CTF1: variants seen among roughly 807,000 people sequenced by gnomAD.
The protein encoded by CTF1 is cardiotrophin 1.
In CTF1, 9 loss-of-function variants were observed where a neutral mutation model predicts 10.9. The ratio of observed to expected loss-of-function variants is 0.83; its 90% confidence interval spans 0.50 to 1.44. The LOEUF is 1.44. Ranked by LOEUF, CTF1 falls within the 40% of genes most tolerant of loss-of-function variation. The pLI is 0.00. For missense variants in CTF1, 259 were observed against 275.3 expected, an observed-to-expected ratio of 0.94 and a Z score of 0.42; for synonymous variants, 133 against 138.8, an observed-to-expected ratio of 0.96 and a Z score of 0.29.
intron 2 of CTF1, among the ~76,000 whole-genome samples, chr16:30,899,771 AGAG>A (rs2055386245): frequency 6.6e-6 from 1 of 152,058 alleles, no homozygotes; most frequent in African/African-American, 2.4e-5. Flanking sequence ...TTTGTTTTTG[AGAG>A]GAGGCCTCGC....
chr16:30,897,459 A>G (rs563308682), intron 1 of CTF1, among the ~76,000 whole-genome samples: 1 of 152,312 alleles, frequency 6.6e-6, no homozygotes, highest in Non-Finnish European at 1.5e-5. Flanking sequence ...AGGCAGATAC[A>G]CACAGAAAAG....
intron 2 of CTF1, 89 bp from the exon 3 acceptor site, chr16:30,901,989 C>T: frequency 2.6e-6 from 3 of 1,163,716 alleles, no homozygotes; most frequent in Admixed American, 3.9e-5. Flanking sequence ...AGGAAACTGA[C>T]ACCCCCAGAG....
rs8061920 is a variant in CTF1, at chr16:30,903,416, C to G, written c.*877C>G. ...TTGATGTCCTCCTTTCCTTCAGCCC[C>G]TCTGCCCTGTCCCTGCACACCTCCA... On this transcript the variant is annotated 3_prime_UTR_variant, in exon 3 of 3. Transcript: ENST00000279804. 0.09 allele frequency: 13,866 copies of G among 154,166 alleles called. 1,891 individuals carry two copies. The highest frequency in any genetic ancestry group is 0.3 in the African/African-American group (12,454 of 41,538). The allele number at this position is 154,166 out of a possible 1,614,324, so 9.5% of individuals were successfully genotyped here.
At chr16:30,896,257 G>A (rs1192244410), upstream of CTF1, among the ~76,000 whole-genome samples, 5 of 152,188 alleles carry the variant, frequency 3.3e-5, no homozygotes, top group Admixed American at 1.3e-4. Context: ...ACTAGAGAGA[G>A]GGCCTGCGCA....
rs746481180 is a variant in CTF1 at position 30,899,417 on chromosome 16, G to A, written c.28G>A (p.Asp10Asn). The change falls in exon 2 of 3, where the codon GAC becomes AAC. Residue 10 changes from aspartate (D) to asparagine (N), a missense_variant and splice_region_variant. By Grantham distance (23) the Asp-to-Asn change is conservative. Transcript: ENST00000279804. Reference protein sequence around the residue: MSRREGSLEDPQTDSSVSLL... With the variant: MSRREGSLENPQTDSSVSLL... ...ATTCCTCCCCCCTTTCCCACCAGAA[G>A]ACCCCCAGACTGATTCCTCAGTCTC... 13 of 1,605,660 alleles carry A rather than the reference G, an allele frequency of 8.1e-6. No homozygotes were observed. Among genetic ancestry groups the A allele is most frequent in the Non-Finnish European group, 8.5e-6 (10 of 1,172,340 alleles).
chr16:30,902,815 G>T lies in CTF1; in HGVS notation c.*276G>T. Reference sequence around the variant, plus strand: ...AGCTTCCCCAGCAGCTGGGACTACAGGCACGCGCCACCACAGCCGGCTAAT... The same window carrying T: ...AGCTTCCCCAGCAGCTGGGACTACATGCACGCGCCACCACAGCCGGCTAAT... On this transcript the variant is annotated 3_prime_UTR_variant, in exon 3 of 3. Transcript: ENST00000279804. 1 of 321,706 alleles carries T rather than the reference G, an allele frequency of 3.1e-6. No individual in the cohort carries two copies. Among genetic ancestry groups the T allele is most frequent in the Non-Finnish European group, 5.6e-6 (1 of 178,084 alleles). The allele number at this position is 321,706 out of a possible 1,614,324, so 19.9% of individuals were successfully genotyped here. A position where few individuals can be genotyped will look rare whatever the true frequency, so the allele number is the denominator to read the frequency against.
chr16:30,896,560 C>T, upstream of CTF1: 1 of 1,201,564 alleles, frequency 8.3e-7, no homozygotes, highest in Non-Finnish European at 1.1e-6. Flanking sequence ...ATTGGCTGCG[C>T]CCGGGCCACG....
chr16:30,898,679 A>G (rs939735904), intron 1 of CTF1, among the ~76,000 whole-genome samples: 1 of 152,062 alleles, frequency 6.6e-6, no homozygotes, highest in African/African-American at 2.4e-5. Context: ...TTATTTAGAG[A>G]TAGGGTCTTA....
At position 30,902,285 on chromosome 16, in the gene CTF1, C is replaced by G; in HGVS notation, c.352C>G (p.Leu118Val). The G allele has an allele frequency of 9.8e-7, 1 of 1,022,082 alleles. No individual in the cohort carries two copies. The highest frequency in any genetic ancestry group is 1.7e-5 in the African/African-American group (1 of 57,578). The allele number at this position is 1,022,082 out of a possible 1,614,324, so 63.3% of individuals were successfully genotyped here. A position where few individuals can be genotyped will look rare whatever the true frequency, so the allele number is the denominator to read the frequency against. The change falls in exon 3 of 3, where the codon CTG (leucine) becomes GTG (valine). Residue 118 changes from leucine (L) to valine (V), a missense_variant. By Grantham distance (32) the Leu-to-Val change is conservative. Coordinates refer to ENST00000279804, the MANE Select transcript of CTF1 (RefSeq NM_001330.5). ...QAELNPRAPR[L>V]LRRLEDAARQ... ...CGAGCTGAACCCGCGCGCGCCGCGCCTGCTGCGCCGCCTGGAGGACGCGGC... is the reference window on the plus strand; with the variant it reads ...CGAGCTGAACCCGCGCGCGCCGCGCGTGCTGCGCCGCCTGGAGGACGCGGC...
intron 2 of CTF1, 24 bp downstream of exon 2, chr16:30,899,557 T>TTGGGGGGGGGGGGG: frequency 3.5e-5 from 19 of 546,044 alleles, no homozygotes; most frequent in Non-Finnish European, 4.5e-5. Context: ...GGGGTGGGGG[T>TTGGGGGGGGGGGGG]GCCGGGGGCC....
At chr16:30,896,555 C>A, upstream of CTF1, 1 of 1,184,720 alleles carries the variant, frequency 8.4e-7, no homozygotes, top group Non-Finnish European at 1.1e-6. Context: ...CTCTGATTGG[C>A]TGCGCCCGGG....
Position 30,902,071 on chromosome 16 carries a change from T to A in CTF1, c.145-7T>A, listed in dbSNP as rs781004946. On this transcript the variant is annotated splice_polypyrimidine_tract_variant and splice_region_variant and intron_variant, in intron 2 of 2. Coordinates refer to ENST00000279804, the MANE Select transcript of CTF1 (RefSeq NM_001330.5). ...GCCCCGCTGACCCGCCGGCCGTGTC[T>A]CCGCAGGTGCAGCTCCAGGGAGACC... The A allele has an allele frequency of 6.9e-7, 1 of 1,450,860 alleles. No individual in the cohort carries two copies. Among genetic ancestry groups the A allele is most frequent in the Non-Finnish European group, 9.1e-7 (1 of 1,101,284 alleles). 89.9% of individuals were successfully genotyped at this position (1,450,860 alleles called of 1,614,324 possible). A position where few individuals can be genotyped will look rare whatever the true frequency, so the allele number is the denominator to read the frequency against.
chr16:30,899,708 G>C (rs986247557), intron 2 of CTF1, among the ~76,000 whole-genome samples, 175 bp downstream of exon 2: 2 of 152,178 alleles, frequency 1.3e-5, no homozygotes, highest in African/African-American at 4.8e-5. Context: ...GACCCTGTCT[G>C]TGACCCAGAT....
chr16:30,901,986 T>G, intron 2 of CTF1, 92 bp from the exon 3 acceptor site: 2 of 1,169,502 alleles, frequency 1.7e-6, no homozygotes, highest in Non-Finnish European at 2.2e-6. Context: ...ATGAGGAAAC[T>G]GACACCCCCA....
rs1490070852 is a variant in CTF1, at chr16:30,899,447, C to T, written c.58C>T (p.Leu20Phe). Residue 20 changes from leucine (L) to phenylalanine (F), a missense_variant, in exon 2 of 3, where the codon CTT becomes TTT. By Grantham distance (22) the Leu-to-Phe change is conservative. Transcript: ENST00000279804. ...CCAGACTGATTCCTCAGTCTCACTT[C>T]TTCCCCACTTGGAGGCCAAGATCCG... is the stretch of plus-strand genomic sequence containing the variant. ...DPQTDSSVSL[L>F]PHLEAKIRQT... The T allele has an allele frequency of 6.2e-7, 1 of 1,613,766 alleles. No individual in the cohort carries two copies. The highest frequency in any genetic ancestry group is 8.5e-7 in the Non-Finnish European group (1 of 1,179,820).
rs2055382842 is a variant in CTF1, at chr16:30,899,470, C to A, written c.81C>A (p.Ile27=). The change falls in exon 2 of 3, where the codon ATC becomes ATA. Residue 27 remains isoleucine, a synonymous_variant. Transcript: ENST00000279804. ...TTCTTCCCCACTTGGAGGCCAAGAT[C>A]CGTCAGACACACAGCCTTGCGCACC... ...VSLLPHLEAK[I]RQTHSLAHLL... 6.2e-7 allele frequency: 1 copy of A among 1,614,012 alleles called. No individual in the cohort carries two copies. Among genetic ancestry groups the A allele is most frequent in the African/African-American group, 1.3e-5 (1 of 75,004 alleles).
chr16:30,902,461 C>T lies in CTF1; in HGVS notation c.528C>T (p.Arg176=). 2 of 1,473,368 alleles carry T rather than the reference C, an allele frequency of 1.4e-6. No individual in the cohort carries two copies. Among genetic ancestry groups the T allele is most frequent in the African/African-American group, 2.9e-5 (2 of 68,352 alleles). The allele number at this position is 1,473,368 out of a possible 1,614,324, so 91.3% of individuals were successfully genotyped here. A position where few individuals can be genotyped will look rare whatever the true frequency, so the allele number is the denominator to read the frequency against. Residue 176 remains arginine (R), a synonymous_variant, in exon 3 of 3, where the codon CGC becomes CGT. Coordinates refer to ENST00000279804, the MANE Select transcript of CTF1 (RefSeq NM_001330.5). ...TCCCCGCCAAGGTGCTGGGGCTCCGCGTTTGCGGCCTCTACCGCGAGTGGC... is the reference window on the plus strand; with the variant it reads ...TCCCCGCCAAGGTGCTGGGGCTCCGTGTTTGCGGCCTCTACCGCGAGTGGC... The part of the protein sequence containing the change: ...GVFPAKVLGL[R]VCGLYREWLS...
chr16:30,900,325 C>T (rs2055390340), intron 2 of CTF1, among the ~76,000 whole-genome samples: 1 of 152,202 alleles, frequency 6.6e-6, no homozygotes, highest in Admixed American at 6.5e-5. Context: ...CCAAATTACC[C>T]TCGTGTAGTG....
chr16:30,897,213 C>T (rs1349987056), intron 1 of CTF1, among the ~76,000 whole-genome samples: 2 of 152,130 alleles, frequency 1.3e-5, no homozygotes, highest in Admixed American at 1.3e-4. Flanking sequence ...GAGTCCCTCC[C>T]GGGGCGCCAG....
Sources: gnomAD v4.1 joint callset for allele counts (sites outside exome capture counted in the v4.1 genomes callset) on GRCh38, gnomAD v4.1.1 for gene constraint, MANE v1.5 for transcripts, NCBI Gene and HGNC (gene_info 2026-07-23, HGNC 2026-07-21) for gene names.